PAK5: variants seen among roughly 807,000 people sequenced by gnomAD.
PAK5 encodes the protein serine/threonine-protein kinase PAK 5.
In PAK5, 16 loss-of-function variants were observed where a neutral mutation model predicts 65.9. The observed-to-expected ratio is 0.24, with a 90% CI of 0.16 to 0.37. The LOEUF is 0.37. Ranked by LOEUF, PAK5 falls within the 10% of genes least tolerant of loss-of-function variation. The pLI, the probability that PAK5 is intolerant of heterozygous loss-of-function variation, is 1.00. For synonymous variants in PAK5, 371 were observed against 354.9 expected, an observed-to-expected ratio of 1.05 and a Z score of -0.51; for missense variants, 785 against 903.9, an observed-to-expected ratio of 0.87 and a Z score of 1.69.
chr20:9,555,725 T>A (rs1786357968), intron 7 of PAK5, among the ~76,000 whole-genome samples: 1 of 152,230 alleles, frequency 6.6e-6, no homozygotes, highest in Admixed American at 6.5e-5. Context: ...AGGCAGAGTT[T>A]ATATCCCTAC....
intron 7 of PAK5, among the ~76,000 whole-genome samples, chr20:9,548,382 T>C (rs1188976316): frequency 6.6e-6 from 1 of 151,962 alleles, no homozygotes; most frequent in African/African-American, 2.4e-5. Context: ...TTTTTTTTAA[T>C]TTATTATTAT....
chr20:9,563,094 C>T, intron 5 of PAK5, 70 bp from the exon 6 acceptor site: 1 of 1,377,232 alleles, frequency 7.3e-7, no homozygotes, highest in Non-Finnish European at 1.0e-6. Context: ...GTGGCCACAA[C>T]TACAATTGTA....
intron 1 of PAK5, among the ~76,000 whole-genome samples, chr20:9,803,189 G>A (rs2123740178): frequency 6.6e-6 from 1 of 152,060 alleles, no homozygotes; most frequent in East Asian, 1.9e-4. Flanking sequence ...CTAGTGTTAT[G>A]AAAGCAAACA....
intron 3 of PAK5, among the ~76,000 whole-genome samples, chr20:9,633,589 T>C (rs2046949443): frequency 1.3e-5 from 2 of 152,212 alleles, no homozygotes; most frequent in African/African-American, 2.4e-5. Context: ...GTCAGGCCTG[T>C]TGCCTAAGAG....
intron 1 of PAK5, among the ~76,000 whole-genome samples, chr20:9,797,564 G>A (rs1936293176): frequency 6.6e-6 from 1 of 151,488 alleles, no homozygotes; most frequent in South Asian, 2.1e-4. Flanking sequence ...GTTAATGGGT[G>A]CAGCACACCA....
chr20:9,765,962 G>A (rs560730537), intron 1 of PAK5, among the ~76,000 whole-genome samples: 4 of 152,210 alleles, frequency 2.6e-5, no homozygotes, highest in African/African-American at 4.8e-5. Flanking sequence ...GGTGGCTCAC[G>A]CCTGTAATCC....
intron 1 of PAK5, among the ~76,000 whole-genome samples, chr20:9,817,253 A>C (rs2049367579): frequency 6.6e-6 from 1 of 152,228 alleles, no homozygotes; most frequent in South Asian, 2.1e-4. Flanking sequence ...CCATGATTTT[A>C]AATACGTATA....
At chr20:9,655,711 G>A (rs569344625) in intron 2 of PAK5, among the ~76,000 whole-genome samples, 106 of 152,226 alleles carry the variant, frequency 7.0e-4, no homozygotes, top group Middle Eastern at 3.4e-3. Context: ...TGGAGGGAAG[G>A]CATATGTATT....
intron 1 of PAK5, among the ~76,000 whole-genome samples, chr20:9,826,873 A>G (rs1338622994): frequency 6.6e-6 from 1 of 152,220 alleles, no homozygotes; most frequent in African/African-American, 2.4e-5. Context: ...ATAGAGCAGT[A>G]GGTGTTAAGC....
chr20:9,596,792 G>C (rs955763762), intron 3 of PAK5, among the ~76,000 whole-genome samples: 1 of 152,118 alleles, frequency 6.6e-6, no homozygotes, highest in Non-Finnish European at 1.5e-5. Context: ...ACCTCTCCCA[G>C]GCAATTCCTA....
intron 1 of PAK5, among the ~76,000 whole-genome samples, chr20:9,783,833 A>C (rs1838661200): frequency 6.6e-6 from 1 of 152,202 alleles, no homozygotes; most frequent in South Asian, 2.1e-4. Context: ...CTGAAGGCCA[A>C]AACAGCTCTT....
In PAK5 at chr20:9,754,684, G is replaced by T. The variant is rs550725112; in HGVS notation, c.-161-43249C>A. Among the ~76,000 whole-genome samples, 3 of 152,254 alleles carry T rather than the reference G, an allele frequency of 2.0e-5. No individual in the cohort carries two copies. The South Asian group carries it at 6.2e-4, about 32-fold the overall frequency. On this transcript the variant is annotated intron_variant, in intron 1 of 9. Transcript: ENST00000353224. ...GGCAGTCTGGTTCATAGGCAAGAAG[G>T]GGTTTTGTTTCAGAAAAGCATTGTT...
intron 3 of PAK5, among the ~76,000 whole-genome samples, chr20:9,613,960 G>C (rs2046610355): frequency 6.6e-6 from 1 of 152,024 alleles, no homozygotes; most frequent in African/African-American, 2.4e-5. Context: ...CAATCACAAG[G>C]CATAAAAAAA....
chr20:9,780,514 A>C (rs2048930420), intron 1 of PAK5, among the ~76,000 whole-genome samples: 1 of 152,148 alleles, frequency 6.6e-6, no homozygotes, highest in Non-Finnish European at 1.5e-5. Flanking sequence ...CATCCCAATA[A>C]GACTAGGCAT....
At chr20:9,770,284 G>A (rs933957663) in intron 1 of PAK5, among the ~76,000 whole-genome samples, 9 of 152,164 alleles carry the variant, frequency 5.9e-5, no homozygotes, top group Non-Finnish European at 8.8e-5. Flanking sequence ...TTGACAGTGC[G>A]ATGATGGGGA....
Position 9,766,427 on chromosome 20 carries a change from A to AC in PAK5, c.-161-54993_-161-54992insG, listed in dbSNP as rs1408104898. ...AAGCAGAATATATATGTATATATAT[A>AC]TTCAAGCAGAATATATATGTATATA... On this transcript the variant is annotated intron_variant, in intron 1 of 9. Coordinates refer to ENST00000353224, the MANE Select transcript of PAK5 (RefSeq NM_177990.4). Among the ~76,000 whole-genome samples the AC allele has an allele frequency of 3.3e-3, 247 of 75,762 alleles. 46 individuals are homozygous for AC. Among genetic ancestry groups the AC allele is most frequent in the African/African-American group, 0.014 (189 of 13,710 alleles). The allele number at this position is 75,762 out of a possible 152,430, so 49.7% of individuals were successfully genotyped here. A position where few individuals can be genotyped will look rare whatever the true frequency, so the allele number is the denominator to read the frequency against.
intron 1 of PAK5, among the ~76,000 whole-genome samples, chr20:9,783,431 C>CT (rs2048962745): frequency 6.6e-6 from 1 of 152,118 alleles, no homozygotes; most frequent in Non-Finnish European, 1.5e-5. Context: ...ACACCAGATT[C>CT]TTTTTTTCCA....
At chr20:9,584,808 A>G (rs1394390084) in intron 3 of PAK5, among the ~76,000 whole-genome samples, 1 of 152,248 alleles carries the variant, frequency 6.6e-6, no homozygotes, top group Non-Finnish European at 1.5e-5. Context: ...GACAGAAATT[A>G]TACTCTTGCA....
chr20:9,806,484 C>A (rs907085569), intron 1 of PAK5, among the ~76,000 whole-genome samples: 1 of 152,260 alleles, frequency 6.6e-6, no homozygotes, highest in East Asian at 1.9e-4. Flanking sequence ...AGGGACAGAA[C>A]GTAAAGACCC....
Sources: gnomAD v4.1 joint callset for allele counts (sites outside exome capture counted in the v4.1 genomes callset) on GRCh38, gnomAD v4.1.1 for gene constraint, MANE v1.5 for transcripts, NCBI Gene and HGNC (gene_info 2026-07-23, HGNC 2026-07-21) for gene names.